ERI1: variants seen among roughly 807,000 people sequenced by gnomAD.
The protein encoded by ERI1 is exoribonuclease 1.
Under a neutral mutation model 39.7 loss-of-function variants are expected in ERI1, and 39 were observed. The ratio of observed to expected loss-of-function variants is 0.98; its 90% confidence interval spans 0.76 to 1.28. The LOEUF is 1.28. Among genes scored for constraint, ERI1 ranks in the 50% most tolerant of loss-of-function variants. ERI1 has a pLI of 0.00. For synonymous variants in ERI1, 204 were observed against 149.6 expected (o/e 1.36, Z -2.65); for missense variants, 581 against 416.9 (o/e 1.39, Z -3.43).
chr8:9,038,970 T>C (rs1259375929), intron 3 of ERI1, among the ~76,000 whole-genome samples: 1 of 152,236 alleles, frequency 6.6e-6, no homozygotes, highest in Non-Finnish European at 1.5e-5. Flanking sequence ...TGATCTGTGA[T>C]GATAAATCAT....
intron 3 of ERI1, among the ~76,000 whole-genome samples, chr8:9,076,172 G>C (rs112079935): frequency 0.039 from 5,887 of 152,212 alleles, 359 homozygotes; most frequent in African/African-American, 0.13. Flanking sequence ...TCAAACCCCT[G>C]GGCTCAAGTG....
At chr8:9,074,063 G>A (rs908338415) in intron 3 of ERI1, among the ~76,000 whole-genome samples, 2 of 152,018 alleles carry the variant, frequency 1.3e-5, no homozygotes, top group African/African-American at 4.8e-5. Flanking sequence ...TGGGATTACA[G>A]GTGTATAAGC....
chr8:9,091,894 A>C (rs1255379756), intron 3 of ERI1, among the ~76,000 whole-genome samples: 2 of 148,766 alleles, frequency 1.3e-5, no homozygotes, highest in Non-Finnish European at 3.1e-5. Context: ...CCAGTAACAA[A>C]ATTGTTAATT....
Position 9,007,907 on chromosome 8 carries a change from G to A in ERI1, c.109-63G>A, listed in dbSNP as rs1424297816. Reference sequence around the variant, plus strand: ...TGAAAGTTTGAATCTTTAAATCTGTGATGTTTGTACTAATTATAAACTACA... The same window carrying A: ...TGAAAGTTTGAATCTTTAAATCTGTAATGTTTGTACTAATTATAAACTACA... On this transcript the variant is annotated intron_variant, in intron 1 of 6. Coordinates refer to ENST00000250263, the MANE Select transcript of ERI1 (RefSeq NM_153332.4). 7 of 1,505,696 alleles carry A rather than the reference G, an allele frequency of 4.6e-6. No homozygotes were observed. In the East Asian group the frequency reaches 1.5e-4, roughly 31 times the overall value. 93.3% of individuals were successfully genotyped at this position (1,505,696 alleles called of 1,614,324 possible). A position where few individuals can be genotyped will look rare whatever the true frequency, so the allele number is the denominator to read the frequency against.
chr8:9,062,256 G>A (rs949321276), intron 3 of ERI1, among the ~76,000 whole-genome samples: 2 of 152,016 alleles, frequency 1.3e-5, no homozygotes, highest in Non-Finnish European at 2.9e-5. Context: ...TCGCCAAGGA[G>A]GGAGTAGAGG....
chr8:9,014,166 C>G (rs190939523), intron 3 of ERI1, among the ~76,000 whole-genome samples: 345 of 152,322 alleles, frequency 2.3e-3, no homozygotes, highest in Non-Finnish European at 3.4e-3. Flanking sequence ...TTTTCCTTAA[C>G]TCATTCCACT....
At chr8:9,082,835 C>T (rs534147298) in intron 3 of ERI1, among the ~76,000 whole-genome samples, 7 of 152,154 alleles carry the variant, frequency 4.6e-5, no homozygotes, top group African/African-American at 9.6e-5. Flanking sequence ...AGCAAGAGTC[C>T]GGTCTAGTCA....
chr8:9,053,298 A>G (rs1798414288), intron 3 of ERI1, among the ~76,000 whole-genome samples: 1 of 152,160 alleles, frequency 6.6e-6, no homozygotes, highest in African/African-American at 2.4e-5. Context: ...ATTATAGGCA[A>G]GAGCCACCGC....
chr8:9,063,313 G>A (rs1191374211), intron 3 of ERI1, among the ~76,000 whole-genome samples: 1 of 152,162 alleles, frequency 6.6e-6, no homozygotes, highest in Non-Finnish European at 1.5e-5. Flanking sequence ...ACTGATTTGG[G>A]AGAGGTCAGA....
intron 3 of ERI1, among the ~76,000 whole-genome samples, chr8:9,079,537 A>C (rs1410520050): frequency 6.6e-6 from 1 of 152,248 alleles, no homozygotes; most frequent in Non-Finnish European, 1.5e-5. Context: ...CTAAAGTTCA[A>C]ATGACTGTGT....
chr8:9,025,382 T>A (rs1003918414), intron 6 of ERI1, among the ~76,000 whole-genome samples: 1 of 152,230 alleles, frequency 6.6e-6, no homozygotes, highest in Non-Finnish European at 1.5e-5. Context: ...AGTCAAACAT[T>A]TTCTCCAGCT....
chr8:9,003,134 C>A lies in ERI1; in HGVS notation c.71C>A (p.Pro24Gln). ...VALALLESPR[P>Q]EGGEEPPRPS... ...CTCGCGCTGCTGGAGTCGCCGCGGC[C>A]GGAGGGCGGGGAGGAGCCGCCGCGT... Residue 24 changes from proline to glutamine, a missense_variant, in exon 1 of 7, where the codon CCG (proline) becomes CAG (glutamine). Transcript: ENST00000250263. The A allele has an allele frequency of 8.0e-7, 1 of 1,245,180 alleles. No individual in the cohort carries two copies. 77.1% of individuals were successfully genotyped at this position (1,245,180 alleles called of 1,614,324 possible).
intron 3 of ERI1, among the ~76,000 whole-genome samples, chr8:9,013,102 C>T (rs1390674580): frequency 6.6e-6 from 1 of 151,968 alleles, no homozygotes; most frequent in African/African-American, 2.4e-5. Context: ...GCAACCTCCA[C>T]CTCCTGGGTT....
At position 9,032,898 on chromosome 8, in the gene ERI1, T is replaced by C. The variant is rs1449944646; in HGVS notation, c.*2864T>C. On this transcript the variant is annotated 3_prime_UTR_variant, in exon 7 of 7. Transcript: ENST00000250263. Reference sequence around the variant, plus strand: ...GTCAAAGTCTGAGAAGGATGTATTGTACTTTGAAGGAAGACTTTCCATTTC... The same window carrying C: ...GTCAAAGTCTGAGAAGGATGTATTGCACTTTGAAGGAAGACTTTCCATTTC... The C allele has an allele frequency of 6.6e-6, 1 of 152,210 alleles. No individual in the cohort carries two copies. Among genetic ancestry groups the C allele is most frequent in the Admixed American group, 6.5e-5 (1 of 15,282 alleles). The allele number at this position is 152,210 out of a possible 1,614,324, so 9.4% of individuals were successfully genotyped here.
At chr8:9,078,262 A>G (rs1585289468) in intron 3 of ERI1, among the ~76,000 whole-genome samples, 1 of 152,050 alleles carries the variant, frequency 6.6e-6, no homozygotes, top group East Asian at 1.9e-4. Context: ...AATGCTGGGA[A>G]TACAAGTGTG....
chr8:9,027,639 T>C (rs1797274492), intron 6 of ERI1, among the ~76,000 whole-genome samples: 1 of 152,232 alleles, frequency 6.6e-6, no homozygotes, highest in Non-Finnish European at 1.5e-5. Context: ...TGATCAATTT[T>C]AAGTTAATTT....
chr8:9,023,706 C>G (rs1818166036), intron 6 of ERI1, among the ~76,000 whole-genome samples: 1 of 59,582 alleles, frequency 1.7e-5, no homozygotes, highest in Admixed American at 3.1e-4. Flanking sequence ...AAATAAAACT[C>G]TCTGTCACAA....
rs556330094 is a variant in ERI1 at position 9,065,731 on chromosome 8, T to C, written n.299+45267T>C. 2.2e-3 allele frequency among the ~76,000 whole-genome samples: 183 copies of C among 83,198 alleles called. 1 individual carries two copies. Among genetic ancestry groups the C allele is most frequent in the Admixed American group, 8.5e-3 (66 of 7,772 alleles). The allele number at this position is 83,198 out of a possible 152,430, so 54.6% of individuals were successfully genotyped here. A position where few individuals can be genotyped will look rare whatever the true frequency, so the allele number is the denominator to read the frequency against. On this transcript the variant is annotated intron_variant and non_coding_transcript_variant, in intron 3 of 3. Transcript: ENST00000518663. ...AAAAAAAAAGGCTGACTCCTGACAA[T>C]ACGTGCAAAAATATAAAAGGAAACT...
chr8:9,025,788 A>T (rs999415635), intron 6 of ERI1, among the ~76,000 whole-genome samples: 4 of 151,790 alleles, frequency 2.6e-5, no homozygotes, highest in Non-Finnish European at 4.4e-5. Flanking sequence ...ACCAGAAGAA[A>T]TGTTTGAGAT....
Sources: allele counts gnomAD v4.1 joint callset (sites outside exome capture counted in the v4.1 genomes callset), GRCh38; gene constraint gnomAD v4.1.1; transcripts MANE v1.5; gene names NCBI Gene and HGNC (gene_info 2026-07-23, HGNC 2026-07-21).